The following PEMT variants were observed in gnomAD, a reference collection of about 807,000 sequenced individuals.
The protein encoded by PEMT is phosphatidylethanolamine N-methyltransferase.
In PEMT, 23 loss-of-function variants were observed where a neutral mutation model predicts 27.4. The ratio of observed to expected loss-of-function variants is 0.84; its 90% CI spans 0.60 to 1.19. PEMT has a LOEUF of 1.19. Ranked by LOEUF, PEMT falls within the 50% of genes most tolerant of loss-of-function variation. The probability of loss-of-function intolerance (pLI) is 0.00; values close to 1 mark genes in which losing one functional copy is unlikely to be tolerated. For missense variants in PEMT, 307 were observed against 310.1 expected, an observed-to-expected ratio of 0.99 and a Z score of 0.07; for synonymous variants, 137 against 139.1, an observed-to-expected ratio of 0.98 and a Z score of 0.11.
At chr17:17,557,089 C>A (rs573919754) in intron 2 of PEMT, among the ~76,000 whole-genome samples, 1 of 152,302 alleles carries the variant, frequency 6.6e-6, no homozygotes, top group South Asian at 2.1e-4. Flanking sequence ...AGGTCAGATG[C>A]CTGCCTGGCA....
chr17:17,592,081 C>T, upstream of PEMT: 1 of 981,586 alleles, frequency 1.0e-6, no homozygotes, highest in Non-Finnish European at 1.2e-6. Context: ...GCCCGGGTCA[C>T]ACACGCCCAG....
intron 2 of PEMT, among the ~76,000 whole-genome samples, chr17:17,559,739 G>A (rs1351153140): frequency 6.6e-6 from 1 of 152,220 alleles, no homozygotes; most frequent in African/African-American, 2.4e-5. Flanking sequence ...AGAACAGGAT[G>A]GCAACAGAAG....
intron 2 of PEMT, among the ~76,000 whole-genome samples, chr17:17,544,383 C>A (rs910033829): frequency 2.0e-5 from 3 of 151,268 alleles, no homozygotes; most frequent in Admixed American, 6.6e-5. Context: ...CGGGTTCAAG[C>A]GATTCTCCTG....
In PEMT at chr17:17,561,942, G is replaced by T. The variant is rs1368123000; in HGVS notation, c.204+14978C>A. Among the ~76,000 whole-genome samples, 2 of 152,220 alleles carry T rather than the reference G, an allele frequency of 1.3e-5. No homozygotes were observed. The highest frequency in any genetic ancestry group is 2.9e-5 in the Non-Finnish European group (2 of 68,016). On this transcript the variant is annotated intron_variant, in intron 2 of 6. Coordinates refer to ENST00000255389, the MANE Select transcript of PEMT (RefSeq NM_148172.3). The surrounding 1 kb of genome is among the most constrained non-coding windows in gnomAD (Gnocchi z 4.5). ...CTGGGCTGTTGCGAAGTTGGCGCAG[G>T]GCATGTGAGGGCACCCCAGGCTCCG...
intron 3 of PEMT, among the ~76,000 whole-genome samples, chr17:17,517,473 T>C (rs974540650): frequency 6.6e-6 from 1 of 151,522 alleles, no homozygotes; most frequent in Non-Finnish European, 1.5e-5. Flanking sequence ...CCCTCCTTCA[T>C]GCAGCCGCTC....
In PEMT at chr17:17,512,421, G is replaced by A. The variant is rs555683963; in HGVS notation, c.466+88C>T. 178 of 1,281,598 alleles carry A rather than the reference G, an allele frequency of 1.4e-4. No individual in the cohort carries two copies. The highest frequency in any genetic ancestry group is 1.8e-4 in the Non-Finnish European group (171 of 973,274). 79.4% of individuals were successfully genotyped at this position (1,281,598 alleles called of 1,614,324 possible). ...CCCCTAGCACTCCCACCGATGTCACGGATAGCAGGGCAGCAGCCACCTGGC... is the reference window on the plus strand; with the variant it reads ...CCCCTAGCACTCCCACCGATGTCACAGATAGCAGGGCAGCAGCCACCTGGC... On this transcript the variant is annotated intron_variant, in intron 4 of 6. Coordinates refer to ENST00000255389, the MANE Select transcript of PEMT (RefSeq NM_148172.3). The surrounding 1 kb of genome is among the most constrained non-coding windows in gnomAD (Gnocchi z 6.3).
chr17:17,564,874 C>T lies in PEMT; in HGVS notation c.204+12046G>A, dbSNP rs1249953450. Among the ~76,000 whole-genome samples, 3 of 152,176 alleles carry T rather than the reference C, an allele frequency of 2.0e-5. No homozygotes were observed. The East Asian group carries it at 5.8e-4, about 29-fold the overall frequency. On this transcript the variant is annotated intron_variant, in intron 2 of 6. Coordinates refer to ENST00000255389, the MANE Select transcript of PEMT (RefSeq NM_148172.3). ...GGGAGGGCCTTGGGAGAAAGGCCTCCAGGAACACACACCCCTGCACTGCAC... is the reference window on the plus strand; with the variant it reads ...GGGAGGGCCTTGGGAGAAAGGCCTCTAGGAACACACACCCCTGCACTGCAC...
chr17:17,576,856 T>C (rs955098039), intron 2 of PEMT, 64 bp downstream of exon 2: 14 of 1,322,754 alleles, frequency 1.1e-5, no homozygotes, highest in Admixed American at 5.0e-5. Context: ...CGCGATCCCC[T>C]GCATGTGGGG....
intron 2 of PEMT, among the ~76,000 whole-genome samples, chr17:17,531,621 C>CA (rs58165466): frequency 0.02 from 1,241 of 62,404 alleles, 114 homozygotes; most frequent in East Asian, 0.031. Context: ...CTATCATATG[C>CA]AAAAAAAAAA....
In PEMT at chr17:17,513,651, C is replaced by CA. The variant is rs1447567965; in HGVS notation, c.321-998_321-997insT. Among the ~76,000 whole-genome samples, 117 of 152,066 alleles carry CA rather than the reference C, an allele frequency of 7.7e-4. No individual in the cohort carries two copies. The highest frequency in any genetic ancestry group is 4.6e-4 in the Non-Finnish European group (31 of 68,012). ...GGGGGTGACTATGACAGCAGTGGGT[C>CA]TAGAGGCTCAGGTTCTCCAGTTGGC... On this transcript the variant is annotated intron_variant, in intron 3 of 6. Transcript: ENST00000255389. This position sits in a 1 kb window ranked among gnomAD's most constrained non-coding sequence, Gnocchi z 4.1.
intron 2 of PEMT, among the ~76,000 whole-genome samples, chr17:17,540,705 G>C (rs549151026): frequency 6.6e-6 from 1 of 152,244 alleles, no homozygotes; most frequent in African/African-American, 2.4e-5. Flanking sequence ...ACTTCTCCAG[G>C]CAGGCTCAGG....
intron 2 of PEMT, among the ~76,000 whole-genome samples, chr17:17,527,182 C>T (rs943736423): frequency 2.0e-5 from 3 of 152,180 alleles, no homozygotes; most frequent in African/African-American, 7.2e-5. Context: ...GGATTACACG[C>T]ATGCGCCACC....
intron 2 of PEMT, among the ~76,000 whole-genome samples, chr17:17,542,046 T>C (rs1028863650): frequency 6.6e-6 from 1 of 152,192 alleles, no homozygotes; most frequent in Non-Finnish European, 1.5e-5. Context: ...AGCAGCATGA[T>C]CTCTGCTCAC....
At chr17:17,515,133 T>TCTTACCCCCTC (rs1906726715) in intron 3 of PEMT, among the ~76,000 whole-genome samples, 1 of 152,124 alleles carries the variant, frequency 6.6e-6, no homozygotes, top group East Asian at 1.9e-4. Context: ...ACTCTGTCGC[T>TCTTACCCCCTC]CTTACCCCCT....
chr17:17,539,061 A>G (rs1457677147), intron 2 of PEMT, among the ~76,000 whole-genome samples: 1 of 152,210 alleles, frequency 6.6e-6, no homozygotes, highest in Non-Finnish European at 1.5e-5. Flanking sequence ...GGGGACTTTA[A>G]AAATCATTTT....
chr17:17,586,290 A>C (rs1013344049), intron 1 of PEMT, among the ~76,000 whole-genome samples: 2 of 96,476 alleles, frequency 2.1e-5, no homozygotes, highest in African/African-American at 6.7e-5. Context: ...GAAAGAAAGA[A>C]AAAAAAAAAC....
intron 1 of PEMT, among the ~76,000 whole-genome samples, chr17:17,584,267 C>T (rs1454352395): frequency 6.6e-6 from 1 of 152,198 alleles, no homozygotes; most frequent in Admixed American, 6.5e-5. Flanking sequence ...TCACGCCATT[C>T]TCCTGCCTCA....
At position 17,541,985 on chromosome 17, in the gene PEMT, C is replaced by A. The variant is rs183583884; in HGVS notation, c.205-19590G>T. On this transcript the variant is annotated intron_variant, in intron 2 of 6. Coordinates refer to ENST00000255389, the MANE Select transcript of PEMT (RefSeq NM_148172.3). ...CCCACCTTCCTCTTTTTTCTTTTTT[C>A]TTTTTCTTTTTTTGAGATGCAGTCT... 2.1e-3 allele frequency among the ~76,000 whole-genome samples: 325 copies of A among 152,094 alleles called. No individual in the cohort carries two copies. In the Middle Eastern group the frequency reaches 0.024, roughly 11 times the overall value.
chr17:17,516,472 T>C (rs890666378), intron 3 of PEMT, among the ~76,000 whole-genome samples: 2 of 151,980 alleles, frequency 1.3e-5, no homozygotes, highest in African/African-American at 4.8e-5. Flanking sequence ...GGGAAGCAGA[T>C]GGTAGAAAGC....
Sources: gnomAD v4.1 joint callset for allele counts (sites outside exome capture counted in the v4.1 genomes callset) on GRCh38, gnomAD v4.1.1 for gene constraint, Gnocchi (gnomAD v3.1) non-coding constraint, MANE v1.5 for transcripts, NCBI Gene and HGNC (gene_info 2026-07-23, HGNC 2026-07-21) for gene names.